The following COL24A1 variants were observed in gnomAD, a reference collection of about 807,000 sequenced individuals.
COL24A1 encodes collagen type XXIV alpha 1 chain.
Under a neutral mutation model 253.9 loss-of-function variants are expected in COL24A1, and 224 were observed. The observed-to-expected ratio is 0.88, with a 90% CI of 0.79 to 0.99. The LOEUF (loss-of-function observed/expected upper bound fraction) is 0.99, where lower values mean the gene tolerates loss of function less well. Among genes scored for constraint, COL24A1 ranks in the 50% least tolerant of loss-of-function variants. The pLI, the probability that COL24A1 is intolerant of heterozygous loss-of-function variation, is 0.00. For synonymous variants in COL24A1, 685 were observed against 673.7 expected (o/e 1.02, Z -0.26); for missense variants, 2,131 against 2,068.5 (o/e 1.03, Z -0.59).
At chr1:85,990,581 C>T (rs1694157044) in intron 19 of COL24A1, among the ~76,000 whole-genome samples, 1 of 152,194 alleles carries the variant, frequency 6.6e-6, no homozygotes, top group Admixed American at 6.5e-5. Flanking sequence ...AGGTCACAAA[C>T]CAGTACAGGT....
chr1:86,040,843 G>T (rs1286229672), intron 12 of COL24A1, among the ~76,000 whole-genome samples: 2 of 152,024 alleles, frequency 1.3e-5, no homozygotes, highest in African/African-American at 4.8e-5. Flanking sequence ...CTTTATGATA[G>T]AATTAACTGC....
chr1:85,741,716 T>C (rs1183508701), intron 57 of COL24A1, among the ~76,000 whole-genome samples: 1 of 152,034 alleles, frequency 6.6e-6, no homozygotes, highest in Non-Finnish European at 1.5e-5. Flanking sequence ...TTGCTGTTTG[T>C]TATTTATTTT....
At chr1:86,140,891 G>A (rs920744599) in intron 2 of COL24A1, among the ~76,000 whole-genome samples, 2 of 152,054 alleles carry the variant, frequency 1.3e-5, no homozygotes, top group African/African-American at 4.8e-5. Flanking sequence ...CTAAAACTTG[G>A]ACATAAAAAA....
chr1:86,119,994 T>A (rs1480972397), intron 3 of COL24A1, among the ~76,000 whole-genome samples: 11 of 152,182 alleles, frequency 7.2e-5, no homozygotes, highest in Non-Finnish European at 1.6e-4. Flanking sequence ...ACCACACATC[T>A]ACAACTATCT....
chr1:85,946,575 A>C (rs1444582470), intron 24 of COL24A1, among the ~76,000 whole-genome samples: 1 of 152,044 alleles, frequency 6.6e-6, no homozygotes, highest in Non-Finnish European at 1.5e-5. Context: ...TACAACCATC[A>C]CCATTTCTTA....
intron 31 of COL24A1, among the ~76,000 whole-genome samples, chr1:85,894,631 AAGT>A (rs1195665306): frequency 1.3e-5 from 2 of 152,146 alleles, no homozygotes; most frequent in African/African-American, 4.8e-5. Flanking sequence ...AAGTATATCA[AAGT>A]AGTCATAATC....
In COL24A1 at chr1:86,156,257, G is replaced by T. The variant is rs1653595394; in HGVS notation, c.56+84C>A. On this transcript the variant is annotated intron_variant, in intron 1 of 59. Coordinates refer to ENST00000370571, the MANE Select transcript of COL24A1 (RefSeq NM_152890.7). ...AAAAGTGCCAAGGAGCCGGACTTCA[G>T]ATCTCCATCAGGCTCAGCAGAACCA... 9 of 1,341,142 alleles carry T rather than the reference G, an allele frequency of 6.7e-6. No homozygotes were observed. The South Asian group carries it at 1.1e-4, about 16-fold the overall frequency. The allele number at this position is 1,341,142 out of a possible 1,614,324, so 83.1% of individuals were successfully genotyped here. A position where few individuals can be genotyped will look rare whatever the true frequency, so the allele number is the denominator to read the frequency against.
At chr1:86,110,885 C>T (rs1705510987) in intron 5 of COL24A1, among the ~76,000 whole-genome samples, 1 of 151,442 alleles carries the variant, frequency 6.6e-6, no homozygotes, top group African/African-American at 2.4e-5. Flanking sequence ...CCACCTCCTT[C>T]TCCGTGGTGC....
At chr1:86,119,132 C>T (rs762554392) in intron 3 of COL24A1, among the ~76,000 whole-genome samples, 1 of 152,086 alleles carries the variant, frequency 6.6e-6, no homozygotes, top group Non-Finnish European at 1.5e-5. Context: ...CTCTCCCTCC[C>T]TCAAAACCAG....
intron 2 of COL24A1, among the ~76,000 whole-genome samples, chr1:86,142,862 T>G (rs1355977866): frequency 1.3e-5 from 2 of 152,122 alleles, no homozygotes; most frequent in Non-Finnish European, 2.9e-5. Context: ...GACAGATTAT[T>G]GTAACCTTCC....
chr1:85,887,770 T>C (rs1223733178), intron 32 of COL24A1, among the ~76,000 whole-genome samples: 1 of 152,142 alleles, frequency 6.6e-6, no homozygotes, highest in African/African-American at 2.4e-5. Context: ...ATGTCTGATT[T>C]TCCTCTTATT....
At chr1:85,984,557 A>C (rs564064995) in intron 20 of COL24A1, among the ~76,000 whole-genome samples, 1 of 151,874 alleles carries the variant, frequency 6.6e-6, no homozygotes, top group Non-Finnish European at 1.5e-5. Context: ...TGAATGGATA[A>C]ATAAATGTAT....
At chr1:86,022,457 C>T in intron 17 of COL24A1, 81 bp downstream of exon 17, 1 of 1,351,354 alleles carries the variant, frequency 7.4e-7, no homozygotes. Context: ...TAACACAATA[C>T]ATGGATAAAA....
chr1:86,021,809 G>GA (rs1356765988), intron 18 of COL24A1, among the ~76,000 whole-genome samples: 1 of 151,390 alleles, frequency 6.6e-6, no homozygotes, highest in Non-Finnish European at 1.5e-5. Context: ...CAAGGGTCAG[G>GA]AAAAAAAATA....
At chr1:85,966,089 G>T (rs1284673601) in intron 22 of COL24A1, among the ~76,000 whole-genome samples, 1 of 152,102 alleles carries the variant, frequency 6.6e-6, no homozygotes. Context: ...GAGAGATGAT[G>T]GGGATGTGAA....
chr1:85,755,296 T>C (rs1666115759), intron 55 of COL24A1, among the ~76,000 whole-genome samples: 1 of 152,130 alleles, frequency 6.6e-6, no homozygotes, highest in African/African-American at 2.4e-5. Flanking sequence ...AAAAATATTA[T>C]AGGGAGTCAT....
chr1:85,829,411 T>C (rs1322254638), intron 43 of COL24A1, among the ~76,000 whole-genome samples: 3 of 151,350 alleles, frequency 2.0e-5, no homozygotes, highest in Non-Finnish European at 3.0e-5. Flanking sequence ...TTGGAGTTGC[T>C]CTTCTCGAGG....
At chr1:85,923,882 C>G (rs925766552) in intron 24 of COL24A1, among the ~76,000 whole-genome samples, 1 of 152,064 alleles carries the variant, frequency 6.6e-6, no homozygotes, top group Non-Finnish European at 1.5e-5. Flanking sequence ...AATCCATGAG[C>G]TGGTTTTTTG....
intron 19 of COL24A1, among the ~76,000 whole-genome samples, chr1:86,015,229 T>A (rs1417014571): frequency 1.3e-5 from 2 of 152,128 alleles, no homozygotes; most frequent in African/African-American, 2.4e-5. Context: ...CCCAAAACAA[T>A]CTAGCATCAG....
Sources: gnomAD v4.1 joint callset for allele counts (sites outside exome capture counted in the v4.1 genomes callset) on GRCh38, gnomAD v4.1.1 for gene constraint, MANE v1.5 for transcripts, NCBI Gene and HGNC (gene_info 2026-07-23, HGNC 2026-07-21) for gene names.